Variants in FNDC3B observed in about 807,000 individuals in gnomAD.
The protein encoded by FNDC3B is fibronectin type III domain-containing protein 3B.
FNDC3B carries 12 observed loss-of-function variants against 151.5 expected under a neutral mutation model. The observed-to-expected ratio is 0.08, with a 90% confidence interval of 0.05 to 0.13. FNDC3B has a LOEUF of 0.13. FNDC3B is among the 10% of genes least tolerant of loss of function. The pLI, the probability that FNDC3B is intolerant of heterozygous loss-of-function variation, is 1.00. For synonymous variants in FNDC3B, 528 were observed against 549.0 expected (o/e 0.96, Z 0.54); for missense variants, 1,214 against 1,505.3 (o/e 0.81, Z 3.20).
rs201267676 is a variant in FNDC3B, at chr3:172,352,939, C to A, written c.2651C>A (p.Ala884Glu). 1 of 1,614,188 alleles carries A rather than the reference C, an allele frequency of 6.2e-7. No homozygotes were observed. Among genetic ancestry groups the A allele is most frequent in the South Asian group, 1.1e-5 (1 of 91,088 alleles). Residue 884 changes from alanine to glutamate, a missense_variant, in exon 22 of 26, where the codon GCG (alanine) becomes GAG (glutamate). Physicochemically the swap from Ala to Glu is moderately radical, Grantham distance 107. Around this residue, in one of 7 missense-constraint regions of FNDC3B, gnomAD observed 380 missense variants for 420.9 expected, o/e 0.90. Coordinates refer to ENST00000415807, the MANE Select transcript of FNDC3B (RefSeq NM_022763.4). This position sits in a 1 kb window ranked among gnomAD's most constrained non-coding sequence, Gnocchi z 4.2. Reference sequence around the variant, plus strand: ...GATGCCTACCCTGATTCACCTTCTGCGTGCCTTGTACTGAACTGGGAAGAG... The same window carrying A: ...GATGCCTACCCTGATTCACCTTCTGAGTGCCTTGTACTGAACTGGGAAGAG... ...PLDAYPDSPS[A>E]CLVLNWEEPC...
At chr3:172,314,413 A>G (rs1189665976) in intron 11 of FNDC3B, among the ~76,000 whole-genome samples, 1 of 151,932 alleles carries the variant, frequency 6.6e-6, no homozygotes, top group Admixed American at 6.6e-5. Context: ...CAGGCATAGC[A>G]CTCTTCCCTG....
intron 3 of FNDC3B, among the ~76,000 whole-genome samples, chr3:172,146,433 G>A (rs961279992): frequency 6.6e-5 from 10 of 152,214 alleles, no homozygotes; most frequent in African/African-American, 2.4e-4. Context: ...GCTAGTTGTA[G>A]GGAAGTGTCA....
intron 3 of FNDC3B, among the ~76,000 whole-genome samples, chr3:172,189,324 C>CT (rs1724380246): frequency 6.6e-6 from 1 of 152,116 alleles, no homozygotes; most frequent in Non-Finnish European, 1.5e-5. Context: ...TGGAGGCCAC[C>CT]TTATCCCACC....
chr3:172,081,494 A>G (rs577835251), intron 1 of FNDC3B, among the ~76,000 whole-genome samples: 1 of 152,336 alleles, frequency 6.6e-6, no homozygotes, highest in East Asian at 1.9e-4. Flanking sequence ...TATTATGGGT[A>G]CATAATAGTT....
At chr3:172,173,114 A>G (rs895710764) in intron 3 of FNDC3B, among the ~76,000 whole-genome samples, 2 of 152,206 alleles carry the variant, frequency 1.3e-5, no homozygotes, top group African/African-American at 4.8e-5. Context: ...GAGGAAAAAA[A>G]AACTGGAATT....
intron 9 of FNDC3B, 53 bp from the exon 10 acceptor site, chr3:172,307,310 C>G: frequency 6.3e-7 from 1 of 1,591,860 alleles, no homozygotes; most frequent in Non-Finnish European, 8.6e-7. Flanking sequence ...AGATAAGAAT[C>G]CTGGTCTTCT....
intron 6 of FNDC3B, among the ~76,000 whole-genome samples, chr3:172,269,088 T>TA (rs1224557114): frequency 6.6e-6 from 1 of 152,248 alleles, no homozygotes; most frequent in Admixed American, 6.5e-5. Context: ...GAATATGACT[T>TA]ACTGCTTTTG....
At chr3:172,242,093 T>C (rs1727524465) in intron 4 of FNDC3B, among the ~76,000 whole-genome samples, 2 of 152,220 alleles carry the variant, frequency 1.3e-5, no homozygotes, top group African/African-American at 4.8e-5. Flanking sequence ...TCCAAAATGA[T>C]ATCCTTTGAC....
intron 11 of FNDC3B, among the ~76,000 whole-genome samples, chr3:172,311,886 A>G (rs1450205510): frequency 2.2e-5 from 3 of 134,758 alleles, no homozygotes; most frequent in Non-Finnish European, 4.4e-5. Flanking sequence ...TCAAAAAGAA[A>G]AAAAAAAAAA....
At chr3:172,286,452 G>A (rs76999745) in intron 7 of FNDC3B, among the ~76,000 whole-genome samples, 1 of 152,312 alleles carries the variant, frequency 6.6e-6, no homozygotes, top group East Asian at 1.9e-4. Context: ...GGTCGAAGTG[G>A]TGAGGTTTTG....
chr3:172,150,438 C>G (rs1722162654), intron 3 of FNDC3B, among the ~76,000 whole-genome samples: 1 of 151,884 alleles, frequency 6.6e-6, no homozygotes, highest in Non-Finnish European at 1.5e-5. Flanking sequence ...TCTTGACTCC[C>G]CATCCCCCAT....
intron 23 of FNDC3B, among the ~76,000 whole-genome samples, chr3:172,374,358 T>C (rs1735022228): frequency 6.6e-6 from 1 of 152,234 alleles, no homozygotes; most frequent in Non-Finnish European, 1.5e-5. Context: ...AGTTATTATA[T>C]ATCAGGATTA....
chr3:172,166,140 C>T (rs1403609428), intron 3 of FNDC3B, among the ~76,000 whole-genome samples: 3 of 152,132 alleles, frequency 2.0e-5, no homozygotes, highest in East Asian at 3.8e-4. Flanking sequence ...ATTTGCTTTA[C>T]ATTGGTGAAA....
chr3:172,196,865 G>A (rs939430677), intron 3 of FNDC3B, among the ~76,000 whole-genome samples: 1 of 152,078 alleles, frequency 6.6e-6, no homozygotes, highest in Admixed American at 6.6e-5. Context: ...ATATGCTTTC[G>A]GTTATTACTT....
intron 6 of FNDC3B, among the ~76,000 whole-genome samples, chr3:172,285,454 C>A (rs1351580323): frequency 1.3e-5 from 2 of 152,164 alleles, no homozygotes; most frequent in South Asian, 4.1e-4. Context: ...GCCCGTCGAA[C>A]GTAAACATGT....
chr3:172,133,390 A>G (rs1163187347), intron 2 of FNDC3B, 81 bp from the exon 3 acceptor site: 2 of 1,048,676 alleles, frequency 1.9e-6, no homozygotes, highest in Admixed American at 2.0e-5. Context: ...CTTCCTGTCT[A>G]GTATATAAAT....
intron 3 of FNDC3B, among the ~76,000 whole-genome samples, chr3:172,226,039 G>A (rs766312352): frequency 6.6e-6 from 1 of 152,106 alleles, no homozygotes; most frequent in Non-Finnish European, 1.5e-5. Flanking sequence ...CTGGCACGGT[G>A]GCTCACAGCT....
chr3:172,365,673 T>C (rs1734587771), intron 23 of FNDC3B, among the ~76,000 whole-genome samples: 1 of 152,168 alleles, frequency 6.6e-6, no homozygotes, highest in South Asian at 2.1e-4. Context: ...TCCATATTTA[T>C]GAAGGAAGCA....
Position 172,295,439 on chromosome 3 carries a change from G to A in FNDC3B, c.926G>A (p.Gly309Asp). The change falls in exon 8 of 26, where the codon GGT becomes GAT. Residue 309 changes from glycine to aspartate, a missense_variant. By Grantham distance (94) the Gly-to-Asp change is moderately conservative. This residue lies in a region of FNDC3B where 156 missense variants were observed against 225.3 expected (regional missense o/e 0.69). Transcript: ENST00000415807. The stretch of plus-strand genomic sequence containing the variant: ...GGACTTTCCTGTGGACCCCACAGTG[G>A]TCTTTCCTTCCCCTACAGTTACGAG... ...PVGLSCGPHS[G>D]LSFPYSYEVA... is the part of the protein sequence containing the mutation. 1 of 1,613,894 alleles carries A rather than the reference G, an allele frequency of 6.2e-7. No homozygotes were observed. The highest frequency in any genetic ancestry group is 8.5e-7 in the Non-Finnish European group (1 of 1,179,752).
Sources: allele counts gnomAD v4.1 joint callset (sites outside exome capture counted in the v4.1 genomes callset), GRCh38; gene constraint gnomAD v4.1.1; regional missense constraint gnomAD v4.1.1; non-coding constraint Gnocchi (gnomAD v3.1); transcripts MANE v1.5; gene names NCBI Gene and HGNC (gene_info 2026-07-23, HGNC 2026-07-21).